The following RBFOX1 variants were observed in gnomAD, a reference collection of about 807,000 sequenced individuals.
RBFOX1 encodes RNA binding fox-1 homolog 1, also known as RNA binding protein fox-1 homolog 1.
RBFOX1 carries 8 observed loss-of-function variants against 57.7 expected under a neutral mutation model. That is an observed-to-expected ratio of 0.14 (90% CI 0.08 to 0.25). The LOEUF (loss-of-function observed/expected upper bound fraction) is 0.25, where lower values mean the gene tolerates loss of function less well. Ranked by LOEUF, RBFOX1 falls within the 10% of genes least tolerant of loss-of-function variation. The probability of loss-of-function intolerance (pLI) is 1.00; values close to 1 mark genes in which losing one functional copy is unlikely to be tolerated. For missense variants in RBFOX1, 611 were observed against 548.5 expected, an observed-to-expected ratio of 1.11 and a Z score of -1.14; for synonymous variants, 326 against 222.4, an observed-to-expected ratio of 1.47 and a Z score of -4.15.
At chr16:6,318,709 G>A (rs2081398679) in intron 2 of RBFOX1, among the ~76,000 whole-genome samples, 1 of 152,086 alleles carries the variant, frequency 6.6e-6, no homozygotes, top group Admixed American at 6.6e-5. Context: ...ATGTTAATTT[G>A]TCTATGGATA....
At chr16:6,359,152 G>T (rs964085001) in intron 2 of RBFOX1, among the ~76,000 whole-genome samples, 3 of 152,150 alleles carry the variant, frequency 2.0e-5, no homozygotes, top group African/African-American at 7.2e-5. Flanking sequence ...GAGTGCAGTG[G>T]CACGATCTCA....
chr16:5,500,681 C>T (rs973388726), intron 2 of RBFOX1, among the ~76,000 whole-genome samples: 9 of 152,186 alleles, frequency 5.9e-5, no homozygotes, highest in African/African-American at 2.2e-4. Flanking sequence ...GTATGGGTCC[C>T]AACATTGAAT....
intron 4 of RBFOX1, among the ~76,000 whole-genome samples, chr16:7,211,108 T>C (rs1049625618): frequency 3.4e-5 from 5 of 147,964 alleles, no homozygotes; most frequent in African/African-American, 9.9e-5. Flanking sequence ...AAAAGGACTC[T>C]GGGCCGGGTG....
At chr16:7,514,482 C>G (rs1278175109) in intron 4 of RBFOX1, among the ~76,000 whole-genome samples, 1 of 152,142 alleles carries the variant, frequency 6.6e-6, no homozygotes, top group Non-Finnish European at 1.5e-5. Context: ...TTTCAGGGAG[C>G]TCACAGACAA....
At chr16:6,866,516 T>C (rs946334892) in intron 3 of RBFOX1, among the ~76,000 whole-genome samples, 5 of 144,054 alleles carry the variant, frequency 3.5e-5, no homozygotes, top group African/African-American at 1.3e-4. Context: ...AAAAAAAAAA[T>C]AAGGTTAGGG....
intron 3 of RBFOX1, among the ~76,000 whole-genome samples, chr16:6,864,263 G>C (rs1194714815): frequency 1.3e-5 from 2 of 151,914 alleles, no homozygotes; most frequent in East Asian, 1.9e-4. Context: ...TCCACATTTA[G>C]ACACGTTCAA....
chr16:5,989,881 C>CACACACACACACACACACACCG (rs1596355221), intron 4 of RBFOX1, among the ~76,000 whole-genome samples: 1 of 35,528 alleles, frequency 2.8e-5, no homozygotes, highest in East Asian at 8.1e-4. Flanking sequence ...CACACACACA[C>CACACACACACACACACACACCG]CACCCCTGTT....
chr16:6,697,158 G>T (rs536612281), intron 3 of RBFOX1, among the ~76,000 whole-genome samples: 6 of 152,274 alleles, frequency 3.9e-5, no homozygotes, highest in African/African-American at 1.4e-4. Flanking sequence ...GAGAAATAGG[G>T]CCTCTACCTT....
intron 3 of RBFOX1, among the ~76,000 whole-genome samples, chr16:6,729,531 A>G (rs532481962): frequency 4.3e-4 from 66 of 152,326 alleles, no homozygotes; most frequent in African/African-American, 1.5e-3. Context: ...GAAGATGTTT[A>G]TATACAGCTG....
chr16:6,868,851 T>C (rs1008943166), intron 3 of RBFOX1, among the ~76,000 whole-genome samples: 2 of 152,204 alleles, frequency 1.3e-5, no homozygotes, highest in African/African-American at 4.8e-5. Flanking sequence ...TTACTTTGAC[T>C]AATGAAATAT....
At chr16:5,675,285 T>C (rs2079741) in intron 3 of RBFOX1, among the ~76,000 whole-genome samples, 27,664 of 152,004 alleles carry the variant, frequency 0.18, 2,903 homozygotes, top group East Asian at 0.33. Context: ...ATTTTTGGGT[T>C]GTAAGGAACA....
chr16:6,164,454 T>C (rs1010809135), intron 1 of RBFOX1, among the ~76,000 whole-genome samples: 2 of 150,306 alleles, frequency 1.3e-5, no homozygotes, highest in African/African-American at 4.9e-5. Flanking sequence ...AGTTCTTTTT[T>C]GCATTGTTAT....
intron 4 of RBFOX1, among the ~76,000 whole-genome samples, chr16:7,245,256 T>G (rs1157435507): frequency 1.3e-5 from 2 of 152,210 alleles, no homozygotes; most frequent in Admixed American, 6.5e-5. Context: ...AGATTTTGAG[T>G]AATTTTCTTT....
At chr16:6,772,826 T>C (rs111163847) in intron 3 of RBFOX1, among the ~76,000 whole-genome samples, 69,144 of 144,534 alleles carry the variant, frequency 0.48, 17,289 homozygotes, top group South Asian at 0.56. Flanking sequence ...CATTTGTGTG[T>C]ATGTGAGTGT....
intron 2 of RBFOX1, among the ~76,000 whole-genome samples, chr16:6,406,362 C>A (rs910398949): frequency 1.3e-5 from 2 of 151,946 alleles, no homozygotes; most frequent in African/African-American, 2.4e-5. Flanking sequence ...TTAGACATGC[C>A]CAGAAACCTG....
intron 2 of RBFOX1, among the ~76,000 whole-genome samples, chr16:6,410,450 T>G (rs2093423335): frequency 6.6e-6 from 1 of 151,908 alleles, no homozygotes; most frequent in African/African-American, 2.4e-5. Flanking sequence ...TAGCTGGGAC[T>G]ACAGGCGCCT....
chr16:6,945,924 A>G (rs149390629), intron 3 of RBFOX1, among the ~76,000 whole-genome samples: 462 of 152,300 alleles, frequency 3.0e-3, no homozygotes, highest in Non-Finnish European at 4.9e-3. Context: ...TGCTAACCCT[A>G]AGCCCCCAGG....
chr16:6,713,312 T>A (rs538191104), intron 3 of RBFOX1, among the ~76,000 whole-genome samples: 3 of 152,210 alleles, frequency 2.0e-5, no homozygotes, highest in Admixed American at 2.0e-4. Context: ...GCTCACAGGA[T>A]AGTCTCAAAG....
At chr16:5,357,556 C>G (rs1451941720) in intron 1 of RBFOX1, among the ~76,000 whole-genome samples, 1 of 152,188 alleles carries the variant, frequency 6.6e-6, no homozygotes, top group Non-Finnish European at 1.5e-5. Context: ...CAGCTGGGAT[C>G]TTGTGAAAAT....
Sources: allele counts gnomAD v4.1 joint callset (sites outside exome capture counted in the v4.1 genomes callset), GRCh38; gene constraint gnomAD v4.1.1; transcripts MANE v1.5; gene names NCBI Gene and HGNC (gene_info 2026-07-23, HGNC 2026-07-21).